TTLL1: variants seen among roughly 807,000 people sequenced by gnomAD.
TTLL1 encodes the protein polyglutamylase complex subunit TTLL1.
Under a neutral mutation model 47.8 loss-of-function variants are expected in TTLL1, and 33 were observed. The ratio of observed to expected loss-of-function variants is 0.69; its 90% confidence interval spans 0.52 to 0.92. The LOEUF is 0.92. Among genes scored for constraint, TTLL1 ranks in the 40% least tolerant of loss-of-function variants. TTLL1 has a pLI of 0.00. For synonymous variants in TTLL1, 225 were observed against 214.1 expected (o/e 1.05, Z -0.45); for missense variants, 488 against 547.5 (o/e 0.89, Z 1.08).
chr22:43,086,235 A>C (rs1929219597), intron 1 of TTLL1, among the ~76,000 whole-genome samples: 1 of 152,160 alleles, frequency 6.6e-6, no homozygotes, highest in Non-Finnish European at 1.5e-5. Context: ...TTCTAAACTG[A>C]GCATCATAAA....
intron 2 of TTLL1, 108 bp from the exon 3 acceptor site, chr22:43,075,698 G>A (rs557282563): frequency 2.2e-5 from 20 of 928,594 alleles, no homozygotes; most frequent in African/African-American, 4.9e-5. Context: ...ATCTTACCCC[G>A]GCAATGGTTC....
chr22:43,063,234 C>T (rs1224543785), intron 7 of TTLL1, among the ~76,000 whole-genome samples: 6 of 152,090 alleles, frequency 3.9e-5, no homozygotes, highest in South Asian at 4.1e-4. Context: ...CTGACTTGCC[C>T]GAGGCCACAG....
intron 10 of TTLL1, among the ~76,000 whole-genome samples, chr22:43,040,798 G>A (rs1470525217): frequency 2.6e-5 from 4 of 152,158 alleles, no homozygotes; most frequent in East Asian, 1.9e-4. Flanking sequence ...TCCTAAGGCC[G>A]CGTGTGCTAA....
At chr22:43,061,013 T>A (rs1442217059) in intron 7 of TTLL1, among the ~76,000 whole-genome samples, 1 of 151,944 alleles carries the variant, frequency 6.6e-6, no homozygotes, top group Admixed American at 6.6e-5. Flanking sequence ...CTGGCCAACA[T>A]GGTGAAACCT....
chr22:43,080,902 C>CTTTTTCTTTTTTTTT (rs1928833866), intron 1 of TTLL1, among the ~76,000 whole-genome samples: 2 of 69,284 alleles, frequency 2.9e-5, no homozygotes, highest in Admixed American at 1.9e-4. Flanking sequence ...TGTTGCATGA[C>CTTTTTCTTTTTTTTT]TTTTTTTTTT....
At chr22:43,058,740 G>C (rs1357101303) in intron 8 of TTLL1, among the ~76,000 whole-genome samples, 5 of 151,996 alleles carry the variant, frequency 3.3e-5, no homozygotes, top group Admixed American at 2.6e-4. Context: ...TGTTGCCCAG[G>C]CTGGAGTGCA....
intron 7 of TTLL1, among the ~76,000 whole-genome samples, chr22:43,059,843 C>T (rs1273599458): frequency 6.6e-6 from 1 of 152,080 alleles, no homozygotes; most frequent in Non-Finnish European, 1.5e-5. Context: ...GCATGTGCCA[C>T]TATGCCTGGC....
chr22:43,084,385 C>T lies in TTLL1; in HGVS notation c.-89-4399G>A, dbSNP rs570918300. Among the ~76,000 whole-genome samples, 6 of 152,170 alleles carry T rather than the reference C, an allele frequency of 3.9e-5. No homozygotes were observed. In the East Asian group the frequency reaches 7.7e-4, roughly 20 times the overall value. ...GGCTGGTCTTGAACTCCTAACCTCA[C>T]GTGATCCATCCACCTCAGCCTGCCA... On this transcript the variant is annotated intron_variant, in intron 1 of 10. Transcript: ENST00000266254.
intron 9 of TTLL1, among the ~76,000 whole-genome samples, chr22:43,048,220 G>C (rs1926301929): frequency 6.6e-6 from 1 of 151,780 alleles, no homozygotes; most frequent in Admixed American, 6.6e-5. Flanking sequence ...GGGAGACTGA[G>C]ACAGGAGAAT....
At chr22:43,082,434 C>T (rs551686114) in intron 1 of TTLL1, among the ~76,000 whole-genome samples, 1 of 151,968 alleles carries the variant, frequency 6.6e-6, no homozygotes, top group South Asian at 2.1e-4. Context: ...CCAGACAGGG[C>T]GTGGGGCGTA....
chr22:43,049,122 CT>C (rs976246260), intron 9 of TTLL1, among the ~76,000 whole-genome samples: 1 of 150,504 alleles, frequency 6.6e-6, no homozygotes, highest in South Asian at 2.1e-4. Flanking sequence ...TATGTGCCCC[CT>C]GAAACAAGAA....
intron 7 of TTLL1, 131 bp downstream of exon 7, chr22:43,063,682 T>C (rs2146975112): frequency 2.9e-6 from 2 of 684,656 alleles, no homozygotes; most frequent in South Asian, 3.5e-5. Flanking sequence ...GTCAGGCTGG[T>C]CTCGAACTCC....
chr22:43,075,354 G>A, intron 3 of TTLL1, 120 bp downstream of exon 3: 1 of 811,392 alleles, frequency 1.2e-6, no homozygotes. Flanking sequence ...AATGTGTGCG[G>A]GGAGATGGCA....
chr22:43,088,324 C>CCTTTTTTTTTTTT (rs1929375639), intron 1 of TTLL1, among the ~76,000 whole-genome samples: 2 of 56,468 alleles, frequency 3.5e-5, no homozygotes, highest in African/African-American at 1.5e-4. Flanking sequence ...AAGGGCCCAT[C>CCTTTTTTTTTTTT]TTTTTTTTTT....
chr22:43,050,968 C>T (rs1926575180), intron 9 of TTLL1, among the ~76,000 whole-genome samples: 1 of 152,228 alleles, frequency 6.6e-6, no homozygotes, highest in Non-Finnish European at 1.5e-5. Flanking sequence ...CAGCAGCTTC[C>T]TGCAGGGGTT....
chr22:43,059,252 C>A (rs1022719491), intron 8 of TTLL1, 132 bp downstream of exon 8: 9 of 1,343,026 alleles, frequency 6.7e-6, no homozygotes, highest in African/African-American at 1.5e-5. Flanking sequence ...CCTCGGCCTC[C>A]CAGCTTGCTG....
At position 43,075,580 on chromosome 22, in the gene TTLL1, C is replaced by T. The variant is rs1223683263; in HGVS notation, c.7G>A (p.Gly3Arg). The T allele has an allele frequency of 1.2e-6, 2 of 1,613,940 alleles. No individual in the cohort carries two copies. Among genetic ancestry groups the T allele is most frequent in the East Asian group, 2.2e-5 (1 of 44,890 alleles). Residue 3 changes from glycine (G) to arginine (R), a missense_variant, in exon 3 of 11, where the codon GGG becomes AGG. Physicochemically the swap from Gly to Arg is moderately radical, Grantham distance 125 (BLOSUM62 -2). Coordinates refer to ENST00000266254, the MANE Select transcript of TTLL1 (RefSeq NM_012263.5). MAGKVKWVTDIEK... is the reference protein window; with the variant it reads MARKVKWVTDIEK... Reference sequence around the variant, plus strand: ...ATATCAGTGACCCATTTTACTTTCCCTGCCATAATCCTGGAAGAGATCAAA... The same window carrying T: ...ATATCAGTGACCCATTTTACTTTCCTTGCCATAATCCTGGAAGAGATCAAA...
At chr22:43,041,550 G>A (rs1050884058) in intron 10 of TTLL1, among the ~76,000 whole-genome samples, 2 of 50,952 alleles carry the variant, frequency 3.9e-5, no homozygotes, top group Admixed American at 2.6e-4. Flanking sequence ...TTTTTTAAAC[G>A]GTCACCCAGA....
At chr22:43,070,722 G>T (rs1263575237) in intron 3 of TTLL1, among the ~76,000 whole-genome samples, 3 of 152,082 alleles carry the variant, frequency 2.0e-5, no homozygotes. Context: ...AACGGCACGT[G>T]GCCAGTCTCG....
Sources: gnomAD v4.1 joint callset for allele counts (sites outside exome capture counted in the v4.1 genomes callset) on GRCh38, gnomAD v4.1.1 for gene constraint, MANE v1.5 for transcripts, NCBI Gene and HGNC (gene_info 2026-07-23, HGNC 2026-07-21) for gene names.